DCUN1D2: variants seen among roughly 807,000 people sequenced by gnomAD.
DCUN1D2 encodes defective in cullin neddylation 1 domain containing 2.
A neutral mutation model predicts 30.9 loss-of-function variants in DCUN1D2; 29 were observed. That is an observed-to-expected ratio of 0.94 (90% CI 0.70 to 1.28). DCUN1D2 has a LOEUF of 1.28. Among genes scored for constraint, DCUN1D2 ranks in the 50% most tolerant of loss-of-function variants. DCUN1D2 has a pLI of 0.00. For missense variants in DCUN1D2, 325 were observed against 316.9 expected, an observed-to-expected ratio of 1.03 and a Z score of -0.19; for synonymous variants, 121 against 115.3, an observed-to-expected ratio of 1.05 and a Z score of -0.32.
At chr13:113,463,877 T>C (rs913069455) in intron 4 of DCUN1D2, among the ~76,000 whole-genome samples, 18 of 152,276 alleles carry the variant, frequency 1.2e-4, no homozygotes, top group African/African-American at 3.8e-4. Flanking sequence ...TTTGGCTCCA[T>C]GTTCCCACGG....
intron 4 of DCUN1D2, among the ~76,000 whole-genome samples, chr13:113,470,753 C>T (rs957262091): frequency 1.0e-4 from 15 of 149,914 alleles, no homozygotes; most frequent in Admixed American, 4.6e-4. Flanking sequence ...CCACAGGGGA[C>T]CCAACTCCAC....
At position 113,478,388 on chromosome 13, in the gene DCUN1D2, C is replaced by T. The variant is rs552785835; in HGVS notation, c.389+2187G>A. 5.4e-4 allele frequency among the ~76,000 whole-genome samples: 82 copies of T among 151,812 alleles called. 1 individual carries two copies. In the South Asian group the frequency reaches 0.016, roughly 30 times the overall value. ...ATTATCTCGTCCCCCTTTTCATCTACGTACGTTACTTGTGATTTACCACAT... is the reference window on the plus strand; with the variant it reads ...ATTATCTCGTCCCCCTTTTCATCTATGTACGTTACTTGTGATTTACCACAT... On this transcript the variant is annotated intron_variant, in intron 3 of 6. Transcript: ENST00000478244.
At position 113,474,220 on chromosome 13, in the gene DCUN1D2, G is replaced by A. The variant is rs942952911; in HGVS notation, c.424C>T (p.Pro142Ser). 6.8e-6 allele frequency: 11 copies of A among 1,614,062 alleles called. No individual in the cohort carries two copies. The highest frequency in any genetic ancestry group is 8.5e-6 in the Non-Finnish European group (10 of 1,179,962). The change falls in exon 4 of 7, where the codon CCA becomes TCA. Residue 142 changes from proline (P) to serine (S), a missense_variant. Physicochemically the swap from Pro to Ser is moderately conservative, Grantham distance 74 (BLOSUM62 -1). Transcript: ENST00000478244. ...DSMEKLKALL[P>S]RLEQELKDTA... ...TCCTTCAGCTCCTGCTCCAGTCTTG[G>A]CAGAAGAGCCTTTAGCTTCTCCATG... is the stretch of plus-strand genomic sequence containing the variant.
intron 4 of DCUN1D2, among the ~76,000 whole-genome samples, chr13:113,473,375 G>A (rs987801563): frequency 1.1e-4 from 17 of 152,156 alleles, no homozygotes; most frequent in Admixed American, 7.9e-4. Flanking sequence ...GACAGTTAAA[G>A]CGAATGCAGA....
chr13:113,477,028 G>A (rs1467488489), intron 3 of DCUN1D2, among the ~76,000 whole-genome samples: 1 of 152,198 alleles, frequency 6.6e-6, no homozygotes. Context: ...GGCGCTTGAT[G>A]CCATGTAGTC....
intron 4 of DCUN1D2, among the ~76,000 whole-genome samples, chr13:113,465,669 C>CTT (rs5806991): frequency 3.7e-5 from 5 of 136,196 alleles, no homozygotes; most frequent in Non-Finnish European, 7.9e-5. Flanking sequence ...TGTCTATTTG[C>CTT]TTTTTTTTTT....
intron 3 of DCUN1D2, chr13:113,475,512 C>T (rs2044600704): frequency 6.6e-6 from 1 of 152,282 alleles, no homozygotes; most frequent in African/African-American, 2.4e-5. Context: ...TAACGATGCA[C>T]TTCTCAGAAC....
chr13:113,469,842 A>C (rs959633437), intron 4 of DCUN1D2, among the ~76,000 whole-genome samples: 7 of 152,154 alleles, frequency 4.6e-5, no homozygotes, highest in African/African-American at 1.7e-4. Flanking sequence ...CTGTCTCGAA[A>C]TAAATCAAAA....
rs915907465 is a variant in DCUN1D2, at chr13:113,456,461, C to G, written c.*1568G>C. On this transcript the variant is annotated 3_prime_UTR_variant, in exon 7 of 7. Transcript: ENST00000478244. ...AACCCAGCTGCTTGTCTGGGCCATG[C>G]TCTCTCACACCGCAGCTAGGTCATC... is the stretch of plus-strand genomic sequence containing the variant. 20 of 398,470 alleles carry G rather than the reference C, an allele frequency of 5.0e-5. 1 individual carries two copies. Among genetic ancestry groups the G allele is most frequent in the Non-Finnish European group, 8.8e-6 (2 of 226,194 alleles). 24.7% of individuals were successfully genotyped at this position (398,470 alleles called of 1,614,324 possible). A position where few individuals can be genotyped will look rare whatever the true frequency, so the allele number is the denominator to read the frequency against.
At chr13:113,461,466 C>G (rs189435322) in intron 4 of DCUN1D2, among the ~76,000 whole-genome samples, 1 of 152,136 alleles carries the variant, frequency 6.6e-6, no homozygotes, top group African/African-American at 2.4e-5. Context: ...ACTATTAATG[C>G]GTATCATTTG....
intron 1 of DCUN1D2, among the ~76,000 whole-genome samples, chr13:113,484,811 G>C (rs2044772774): frequency 6.6e-6 from 1 of 152,178 alleles, no homozygotes; most frequent in Non-Finnish European, 1.5e-5. Flanking sequence ...CTTATCTAAA[G>C]TAACTTGATG....
intron 3 of DCUN1D2, among the ~76,000 whole-genome samples, chr13:113,477,328 T>A (rs2044634215): frequency 6.6e-6 from 1 of 152,256 alleles, no homozygotes; most frequent in Non-Finnish European, 1.5e-5. Context: ...ATTTTCTCTA[T>A]GGGAGTATCA....
intron 4 of DCUN1D2, among the ~76,000 whole-genome samples, chr13:113,467,904 C>T (rs759417254): frequency 1.3e-5 from 2 of 151,736 alleles, no homozygotes; most frequent in Admixed American, 6.6e-5. Context: ...ATTAGCCGGG[C>T]GTGGTGGTGT....
chr13:113,458,776 G>A (rs2139670201), intron 6 of DCUN1D2, among the ~76,000 whole-genome samples: 1 of 152,342 alleles, frequency 6.6e-6, no homozygotes, highest in African/African-American at 2.4e-5. Flanking sequence ...CGCCGAGGGG[G>A]CAGGGAGGAA....
At position 113,461,067 on chromosome 13, in the gene DCUN1D2, T is replaced by C; in HGVS notation, c.590A>G (p.Asn197Ser). ...GAGGACACTTACCATTAAGAATGTG[T>C]TCCAGAGATCTAAAAATTTAAACCT... Reference protein sequence around the residue: ...SGRFKFLDLWNTFLMEHHKRS... With the variant: ...SGRFKFLDLWSTFLMEHHKRS... The change falls in exon 5 of 7, where the codon AAC (asparagine) becomes AGC (serine). Residue 197 changes from asparagine to serine, a missense_variant. Coordinates refer to ENST00000478244, the MANE Select transcript of DCUN1D2 (RefSeq NM_001014283.2). The C allele has an allele frequency of 3.7e-6, 6 of 1,607,966 alleles. No individual in the cohort carries two copies. Among genetic ancestry groups the C allele is most frequent in the Non-Finnish European group, 5.1e-6 (6 of 1,175,108 alleles).
chr13:113,458,069 G>A lies in DCUN1D2; in HGVS notation c.740C>T (p.Ala247Val). The change falls in exon 7 of 7, where the codon GCA (alanine) becomes GTA (valine). Residue 247 changes from alanine to valine, a missense_variant. Coordinates refer to ENST00000478244, the MANE Select transcript of DCUN1D2 (RefSeq NM_001014283.2). ...TTTTCCACCTGTGACTACTGGCCGTGCATATTCTACAAAATCATCTATAAG... is the reference window on the plus strand; with the variant it reads ...TTTTCCACCTGTGACTACTGGCCGTACATATTCTACAAAATCATCTATAAG... ...PVLIDDFVEY[A>V]RPVVTGGKRS... 1.2e-6 allele frequency: 2 copies of A among 1,614,130 alleles called. No homozygotes were observed. The highest frequency in any genetic ancestry group is 1.7e-6 in the Non-Finnish European group (2 of 1,180,010).
At chr13:113,465,877 A>G (rs2044394965) in intron 4 of DCUN1D2, among the ~76,000 whole-genome samples, 1 of 151,660 alleles carries the variant, frequency 6.6e-6, no homozygotes, top group African/African-American at 2.4e-5. Context: ...AGACAGATAT[A>G]TATAGATAGA....
Position 113,456,620 on chromosome 13 carries a change from C to T in DCUN1D2, c.*1409G>A, listed in dbSNP as rs2044230432. On this transcript the variant is annotated 3_prime_UTR_variant, in exon 7 of 7. Transcript: ENST00000478244. ...GAGGTAGGGTCAACAGTGATGTCCA[C>T]AACTCAATACCAGCCCTCCACACCT... 2.7e-6 allele frequency: 1 copy of T among 366,372 alleles called. No homozygotes were observed. The highest frequency in any genetic ancestry group is 4.9e-6 in the Non-Finnish European group (1 of 205,944). The allele number at this position is 366,372 out of a possible 1,614,324, so 22.7% of individuals were successfully genotyped here. A position where few individuals can be genotyped will look rare whatever the true frequency, so the allele number is the denominator to read the frequency against.
At position 113,465,698 on chromosome 13, in the gene DCUN1D2, GCT is replaced by G. The variant is rs150780341; in HGVS notation, c.521-4564_521-4563del. The stretch of plus-strand genomic sequence containing the variant: ...TTTTTTTTTTTTTTAATACGGTCTG[GCT>G]CTGTCGCCCAGGCTGGAGTGCAGTG... On this transcript the variant is annotated intron_variant, in intron 4 of 6. Coordinates refer to ENST00000478244, the MANE Select transcript of DCUN1D2 (RefSeq NM_001014283.2). Among the ~76,000 whole-genome samples the G allele has an allele frequency of 4.9e-3, 731 of 148,662 alleles. 35 individuals are homozygous for G. The East Asian group carries it at 0.12, about 24-fold the overall frequency.
Sources: gnomAD v4.1 joint callset for allele counts (sites outside exome capture counted in the v4.1 genomes callset) on GRCh38, gnomAD v4.1.1 for gene constraint, MANE v1.5 for transcripts, NCBI Gene and HGNC (gene_info 2026-07-23, HGNC 2026-07-21) for gene names.